The following GTF2E1 variants were observed in gnomAD, a reference collection of about 807,000 sequenced individuals.
GTF2E1 encodes the protein TFIIE alpha subunit.
In GTF2E1, 14 loss-of-function variants were observed where a neutral mutation model predicts 34.9. The observed-to-expected ratio is 0.40, with a 90% confidence interval of 0.27 to 0.63. The LOEUF is 0.63. Among genes scored for constraint, GTF2E1 ranks in the 20% least tolerant of loss-of-function variants. The pLI, the probability that GTF2E1 is intolerant of heterozygous loss-of-function variation, is 0.39. For synonymous variants in GTF2E1, 188 were observed against 192.9 expected (o/e 0.97, Z 0.21); for missense variants, 469 against 557.7 (o/e 0.84, Z 1.60).
chr3:120,764,775 G>T (rs1709292925), intron 2 of GTF2E1, among the ~76,000 whole-genome samples: 1 of 151,862 alleles, frequency 6.6e-6, no homozygotes, highest in South Asian at 2.1e-4. Context: ...TTTTGGTGGG[G>T]TTTTCTTTTT....
rs549831386 is a variant in GTF2E1 at position 120,749,371 on chromosome 3, T to G, written c.-30-1152T>G. 2.5e-3 allele frequency among the ~76,000 whole-genome samples: 379 copies of G among 152,336 alleles called. 3 individuals are homozygous for G. Among genetic ancestry groups the G allele is most frequent in the African/African-American group, 8.3e-3 (347 of 41,572 alleles). On this transcript the variant is annotated intron_variant, in intron 1 of 4. Coordinates refer to ENST00000283875, the MANE Select transcript of GTF2E1 (RefSeq NM_005513.3). Reference sequence around the variant, plus strand: ...ATGCTTCCAGGTTTTGCCCATTCAGTATGATATTGGCTGTGGGTTTGTCAT... The same window carrying G: ...ATGCTTCCAGGTTTTGCCCATTCAGGATGATATTGGCTGTGGGTTTGTCAT...
chr3:120,756,142 G>C (rs374937644), intron 2 of GTF2E1, among the ~76,000 whole-genome samples: 119 of 152,206 alleles, frequency 7.8e-4, no homozygotes, highest in African/African-American at 2.8e-3. Context: ...GAGATTGCTG[G>C]ATCATATGGT....
chr3:120,768,759 A>T (rs151052865), intron 2 of GTF2E1, among the ~76,000 whole-genome samples: 7 of 152,184 alleles, frequency 4.6e-5, no homozygotes, highest in African/African-American at 1.7e-4. Flanking sequence ...CTTCTGTTGA[A>T]GAGAAGAGGC....
chr3:120,764,465 C>T (rs1709290402), intron 2 of GTF2E1, among the ~76,000 whole-genome samples: 1 of 152,128 alleles, frequency 6.6e-6, no homozygotes, highest in African/African-American at 2.4e-5. Flanking sequence ...GCACCCTGTG[C>T]CATATCAAAG....
At chr3:120,775,679 A>T (rs144312086) in intron 3 of GTF2E1, among the ~76,000 whole-genome samples, 2 of 152,240 alleles carry the variant, frequency 1.3e-5, no homozygotes, top group African/African-American at 2.4e-5. Flanking sequence ...GGAACAGGCT[A>T]ACAGACAAAG....
intron 4 of GTF2E1, among the ~76,000 whole-genome samples, chr3:120,777,024 G>A (rs905671181): frequency 3.3e-5 from 5 of 151,914 alleles, no homozygotes; most frequent in Non-Finnish European, 7.4e-5. Context: ...TCTGAATTGG[G>A]AGCCAAAACT....
chr3:120,774,128 G>T (rs1185787913), intron 3 of GTF2E1, among the ~76,000 whole-genome samples: 3 of 152,148 alleles, frequency 2.0e-5, no homozygotes, highest in African/African-American at 7.2e-5. Flanking sequence ...TAAGGATGTG[G>T]TTGGCCAGAT....
intron 4 of GTF2E1, among the ~76,000 whole-genome samples, chr3:120,777,170 C>G (rs963539486): frequency 5.3e-5 from 8 of 152,138 alleles, no homozygotes; most frequent in African/African-American, 1.2e-4. Context: ...GAACTTTGTT[C>G]TAGAGGATTT....
chr3:120,746,164 A>G (rs1287348649), intron 1 of GTF2E1, among the ~76,000 whole-genome samples: 1 of 152,198 alleles, frequency 6.6e-6, no homozygotes, highest in African/African-American at 2.4e-5. Flanking sequence ...TAAAAAGAGT[A>G]TTAAATCTGT....
chr3:120,754,002 A>G (rs1299085030), intron 2 of GTF2E1, among the ~76,000 whole-genome samples: 4 of 152,200 alleles, frequency 2.6e-5, no homozygotes, highest in African/African-American at 2.4e-5. Context: ...ATGACATGAA[A>G]TCTCTCAGTG....
intron 2 of GTF2E1, among the ~76,000 whole-genome samples, chr3:120,760,364 T>C (rs1006808559): frequency 6.6e-6 from 1 of 152,226 alleles, no homozygotes; most frequent in Admixed American, 6.5e-5. Context: ...TACAATCATG[T>C]CATCTACAAA....
intron 2 of GTF2E1, among the ~76,000 whole-genome samples, chr3:120,751,457 C>G (rs770579918): frequency 3.3e-5 from 5 of 152,054 alleles, no homozygotes; most frequent in Non-Finnish European, 7.4e-5. Context: ...CATTTGAGAC[C>G]TAAAAGATAG....
chr3:120,780,423 C>T (rs537912621), intron 4 of GTF2E1, among the ~76,000 whole-genome samples: 14 of 152,222 alleles, frequency 9.2e-5, no homozygotes, highest in Non-Finnish European at 1.9e-4. Context: ...AAAAATATTC[C>T]AGGCAGAGGG....
chr3:120,776,791 A>G (rs1189577536), intron 4 of GTF2E1, 127 bp downstream of exon 4: 2 of 769,122 alleles, frequency 2.6e-6, no homozygotes, highest in Admixed American at 5.6e-5. Context: ...TATATTAGGA[A>G]GTAAGAAATT....
At chr3:120,749,104 G>T (rs1277790471) in intron 1 of GTF2E1, among the ~76,000 whole-genome samples, 4 of 152,020 alleles carry the variant, frequency 2.6e-5, no homozygotes, top group Admixed American at 6.6e-5. Flanking sequence ...TTGATTTTGT[G>T]TCCTGAGACT....
chr3:120,752,213 G>A lies in GTF2E1; in HGVS notation c.448+1213G>A, dbSNP rs115253902. 4.0e-3 allele frequency among the ~76,000 whole-genome samples: 605 copies of A among 152,248 alleles called. 8 individuals carry two copies. The highest frequency in any genetic ancestry group is 0.014 in the African/African-American group (580 of 41,550). ...TTTTTACCTTGAAAGGGCTCCACAA[G>A]GAGAGATCTTGATTATAAGAAAGTC... On this transcript the variant is annotated intron_variant, in intron 2 of 4. Coordinates refer to ENST00000283875, the MANE Select transcript of GTF2E1 (RefSeq NM_005513.3).
rs779753507 is a variant in GTF2E1, at chr3:120,781,104, C to T, written c.954C>T (p.Asn318=). 3.1e-5 allele frequency: 50 copies of T among 1,613,904 alleles called. No individual in the cohort carries two copies. Among genetic ancestry groups the T allele is most frequent in the South Asian group, 5.5e-5 (5 of 91,078 alleles). The stretch of plus-strand genomic sequence containing the variant: ...AAGGCCATGCTGGGCCTGATGACAA[C>T]GAAGAGGTCATGCGAGCACTGCTCA... ...REEGHAGPDD[N]EEVMRALLIH... The change falls in exon 5 of 5, where the codon AAC becomes AAT. Residue 318 remains asparagine, a synonymous_variant. Transcript: ENST00000283875.
At chr3:120,780,012 ATGAT>A (rs1249430181) in intron 4 of GTF2E1, among the ~76,000 whole-genome samples, 2 of 152,206 alleles carry the variant, frequency 1.3e-5, no homozygotes, top group Non-Finnish European at 2.9e-5. Context: ...TGTACACAAA[ATGAT>A]AGGAGGTGTG....
intron 2 of GTF2E1, among the ~76,000 whole-genome samples, chr3:120,761,416 C>T (rs540568566): frequency 7.9e-5 from 12 of 152,006 alleles, no homozygotes; most frequent in Non-Finnish European, 1.5e-4. Flanking sequence ...GTGTCTTTAT[C>T]TCCTTCAGTT....
Sources: allele counts gnomAD v4.1 joint callset (sites outside exome capture counted in the v4.1 genomes callset), GRCh38; gene constraint gnomAD v4.1.1; transcripts MANE v1.5; gene names NCBI Gene and HGNC (gene_info 2026-07-23, HGNC 2026-07-21).